The following RPAP2 variants were observed in gnomAD, a reference collection of about 807,000 sequenced individuals.
The protein encoded by RPAP2 is RNA polymerase II associated protein 2, also known as putative RNA polymerase II subunit B1 CTD phosphatase RPAP2.
Under a neutral mutation model 73.1 loss-of-function variants are expected in RPAP2, and 52 were observed. The observed-to-expected ratio is 0.71, with a 90% CI of 0.57 to 0.90. The LOEUF (loss-of-function observed/expected upper bound fraction) is 0.90, where lower values mean the gene tolerates loss of function less well. Among genes scored for constraint, RPAP2 ranks in the 40% least tolerant of loss-of-function variants. The probability of loss-of-function intolerance (pLI) is 0.00; values close to 1 mark genes in which losing one functional copy is unlikely to be tolerated. For synonymous variants in RPAP2, 225 were observed against 242.1 expected (o/e 0.93, Z 0.65); for missense variants, 598 against 701.8 (o/e 0.85, Z 1.67).
chr1:92,307,585 A>G (rs1373492583), intron 6 of RPAP2, among the ~76,000 whole-genome samples: 1 of 152,284 alleles, frequency 6.6e-6, no homozygotes, highest in Non-Finnish European at 1.5e-5. Context: ...TGGAGGAAGA[A>G]TGTTAAATTT....
chr1:92,321,692 C>T lies in RPAP2; in HGVS notation c.524+1058C>T, dbSNP rs1441422052. Among the ~76,000 whole-genome samples the T allele has an allele frequency of 2.6e-5, 4 of 152,026 alleles. No homozygotes were observed. The East Asian group carries it at 7.7e-4, about 29-fold the overall frequency. ...GAACATTGTCAGGGAAAACTTTTGT[C>T]TTTTATTGTTAGCATATTGTTGTAA... is the stretch of plus-strand genomic sequence containing the variant. On this transcript the variant is annotated intron_variant, in intron 7 of 12. Transcript: ENST00000610020.
chr1:92,322,967 T>G (rs1652380444), intron 7 of RPAP2, among the ~76,000 whole-genome samples: 2 of 147,448 alleles, frequency 1.4e-5, no homozygotes, highest in Non-Finnish European at 1.5e-5. Flanking sequence ...ACATTATATA[T>G]GTACAAGTAT....
intron 10 of RPAP2, 99 bp from the exon 11 acceptor site, chr1:92,345,747 C>A: frequency 1.4e-6 from 1 of 711,990 alleles, no homozygotes; most frequent in Non-Finnish European, 2.3e-6. Flanking sequence ...AAAAAAAGTG[C>A]TTCTTTGGCA....
At chr1:92,318,127 T>TC (rs1360088611) in intron 6 of RPAP2, among the ~76,000 whole-genome samples, 2 of 152,224 alleles carry the variant, frequency 1.3e-5, no homozygotes, top group Non-Finnish European at 2.9e-5. Context: ...GATTACAGTG[T>TC]CCTCTTAAAC....
chr1:92,346,674 G>A (rs1012508666), intron 11 of RPAP2, among the ~76,000 whole-genome samples: 1 of 152,034 alleles, frequency 6.6e-6, no homozygotes, highest in South Asian at 2.1e-4. Flanking sequence ...TTTAAAATCT[G>A]ACAGGTTTAA....
At chr1:92,320,716 T>C in intron 7 of RPAP2, 82 bp downstream of exon 7, 1 of 1,082,680 alleles carries the variant, frequency 9.2e-7, no homozygotes, top group Admixed American at 1.8e-5. Flanking sequence ...ATATGAGCTC[T>C]TGGACTTCCT....
At chr1:92,327,744 A>G (rs1407960263) in intron 8 of RPAP2, among the ~76,000 whole-genome samples, 1 of 148,896 alleles carries the variant, frequency 6.7e-6, no homozygotes, top group South Asian at 2.1e-4. Flanking sequence ...TTATTGTTTT[A>G]TAGGTCCTGT....
chr1:92,386,514 G>A (rs1483013874), intron 12 of RPAP2, among the ~76,000 whole-genome samples: 1 of 152,136 alleles, frequency 6.6e-6, no homozygotes, highest in East Asian at 1.9e-4. Flanking sequence ...GGAAAGAGAA[G>A]GGCTTTTCCA....
At chr1:92,385,374 G>A (rs1192783966) in intron 12 of RPAP2, among the ~76,000 whole-genome samples, 1 of 152,132 alleles carries the variant, frequency 6.6e-6, no homozygotes, top group Non-Finnish European at 1.5e-5. Flanking sequence ...GGACTTAACA[G>A]TTCCCCTATG....
intron 1 of RPAP2, 21 bp downstream of exon 1, chr1:92,299,167 C>T: frequency 6.9e-7 from 1 of 1,456,540 alleles, no homozygotes. Context: ...GGATCTCTTC[C>T]CACTTTTGGA....
intron 11 of RPAP2, among the ~76,000 whole-genome samples, chr1:92,349,166 C>T (rs17131625): frequency 6.6e-6 from 1 of 152,078 alleles, no homozygotes; most frequent in African/African-American, 2.4e-5. Flanking sequence ...TAAGTCACAA[C>T]TTGTAGACAT....
At chr1:92,357,094 TAC>T (rs34488806) in intron 11 of RPAP2, among the ~76,000 whole-genome samples, 3,823 of 144,648 alleles carry the variant, frequency 0.026, 134 homozygotes, top group African/African-American at 0.079. Context: ...AAGGATTACA[TAC>T]ACACACACAC....
chr1:92,300,581 T>C (rs886942916), intron 2 of RPAP2, among the ~76,000 whole-genome samples: 2 of 152,356 alleles, frequency 1.3e-5, no homozygotes, highest in Non-Finnish European at 2.9e-5. Context: ...ACCTTTTCTG[T>C]TCTTTGTTAC....
chr1:92,367,033 A>G (rs1299842298), intron 11 of RPAP2, among the ~76,000 whole-genome samples: 1 of 152,228 alleles, frequency 6.6e-6, no homozygotes, highest in Admixed American at 6.5e-5. Flanking sequence ...GCAGGAAGAA[A>G]ATATTGGGGC....
chr1:92,381,300 GTCATT>G (rs1010374508), intron 12 of RPAP2, among the ~76,000 whole-genome samples: 22 of 152,080 alleles, frequency 1.4e-4, no homozygotes, highest in Non-Finnish European at 1.3e-4. Context: ...CAATACCTTA[GTCATT>G]TCATGTACAG....
chr1:92,325,846 T>C (rs1652594067), intron 8 of RPAP2, among the ~76,000 whole-genome samples: 1 of 152,182 alleles, frequency 6.6e-6, no homozygotes, highest in South Asian at 2.1e-4. Context: ...ATTATACTTT[T>C]GAGTCATTTG....
At chr1:92,354,430 A>T (rs1057370773) in intron 11 of RPAP2, among the ~76,000 whole-genome samples, 6 of 152,228 alleles carry the variant, frequency 3.9e-5, no homozygotes, top group Admixed American at 2.0e-4. Flanking sequence ...TCTGTCACAA[A>T]CAGGAATTAG....
Position 92,393,279 on chromosome 1 carries a change from T to C in RPAP2, c.*6268T>C, listed in dbSNP as rs191055478. The C allele has an allele frequency of 6.6e-6, 1 of 152,210 alleles. No homozygotes were observed. Among genetic ancestry groups the C allele is most frequent in the Admixed American group, 6.5e-5 (1 of 15,272 alleles). The allele number at this position is 152,210 out of a possible 1,614,324, so 9.4% of individuals were successfully genotyped here. On this transcript the variant is annotated 3_prime_UTR_variant, in exon 13 of 13. Transcript: ENST00000610020. The stretch of plus-strand genomic sequence containing the variant: ...GTGTTGGGAAAACGGGCTAGCCATA[T>C]GCAGAAAACTGTAACTGGACCCTTT...
intron 11 of RPAP2, among the ~76,000 whole-genome samples, chr1:92,364,777 A>G (rs970583420): frequency 1.3e-5 from 2 of 152,094 alleles, no homozygotes; most frequent in Non-Finnish European, 1.5e-5. Context: ...TAGCCCTCCC[A>G]AGCAGGTCTC....
Sources: gnomAD v4.1 joint callset for allele counts (sites outside exome capture counted in the v4.1 genomes callset) on GRCh38, gnomAD v4.1.1 for gene constraint, MANE v1.5 for transcripts, NCBI Gene and HGNC (gene_info 2026-07-23, HGNC 2026-07-21) for gene names.